The following VPS13D variants were observed in gnomAD, a reference collection of about 807,000 sequenced individuals.
VPS13D encodes the protein vacuolar protein sorting 13 homolog D.
A neutral mutation model predicts 461.9 loss-of-function variants in VPS13D; 187 were observed. The observed-to-expected ratio is 0.40, with a 90% CI of 0.36 to 0.46. The LOEUF is 0.46. Among genes scored for constraint, VPS13D ranks in the 20% least tolerant of loss-of-function variants. The pLI is 0.60. For synonymous variants in VPS13D, 1,951 were observed against 1,986.3 expected (o/e 0.98, Z 0.47); for missense variants, 4,711 against 5,364.9 (o/e 0.88, Z 3.81).
chr1:12,509,286 T>G lies in VPS13D; in HGVS notation c.*262T>G. On this transcript the variant is annotated 3_prime_UTR_variant, in exon 70 of 70. Transcript: ENST00000620676. ...GTTTAAAAACATGTACTGAGATGAA[T>G]CTAATTTTTAGATTGCCCTGTATTT... The G allele has an allele frequency of 2.4e-6, 1 of 414,406 alleles. No homozygotes were observed. Among genetic ancestry groups the G allele is most frequent in the Non-Finnish European group, 4.3e-6 (1 of 233,456 alleles). The allele number at this position is 414,406 out of a possible 1,614,324, so 25.7% of individuals were successfully genotyped here. A position where few individuals can be genotyped will look rare whatever the true frequency, so the allele number is the denominator to read the frequency against.
chr1:12,400,452 C>A, intron 61 of VPS13D, 122 bp downstream of exon 61: 2 of 1,162,482 alleles, frequency 1.7e-6, no homozygotes, highest in Non-Finnish European at 1.2e-6. Context: ...AGGGTTAAAC[C>A]ACATGTGACA....
intron 50 of VPS13D, among the ~76,000 whole-genome samples, chr1:12,362,183 T>A (rs1211642857): frequency 6.6e-6 from 1 of 152,190 alleles, no homozygotes; most frequent in African/African-American, 2.4e-5. Context: ...TCTATAGTAC[T>A]TAGCATTATG....
intron 67 of VPS13D, among the ~76,000 whole-genome samples, chr1:12,479,200 G>T (rs1049004937): frequency 2.6e-5 from 4 of 152,204 alleles, no homozygotes; most frequent in Non-Finnish European, 4.4e-5. Context: ...GACAAACAAG[G>T]ATTTAGCATA....
Position 12,439,358 on chromosome 1 carries a change from A to G in VPS13D, c.12334-16640A>G, listed in dbSNP as rs538965583. Among the ~76,000 whole-genome samples the G allele has an allele frequency of 5.2e-4, 79 of 152,096 alleles. 2 individuals carry two copies. Among genetic ancestry groups the G allele is most frequent in the African/African-American group, 1.8e-3 (75 of 41,496 alleles). ...CAGTGTTCTCTTCCTGGAATGTTCTATGGCCACATGGTTTTCATCTACATT... is the reference window on the plus strand; with the variant it reads ...CAGTGTTCTCTTCCTGGAATGTTCTGTGGCCACATGGTTTTCATCTACATT... On this transcript the variant is annotated intron_variant, in intron 65 of 69. Coordinates refer to ENST00000620676, the MANE Select transcript of VPS13D (RefSeq NM_015378.4).
chr1:12,469,562 T>C (rs1645536738), intron 67 of VPS13D, among the ~76,000 whole-genome samples: 1 of 152,208 alleles, frequency 6.6e-6, no homozygotes, highest in South Asian at 2.1e-4. Flanking sequence ...ATACAGTGAT[T>C]GATAATCCAT....
chr1:12,237,117 A>G (rs769338433), intron 2 of VPS13D, among the ~76,000 whole-genome samples: 18 of 150,958 alleles, frequency 1.2e-4, no homozygotes, highest in Admixed American at 5.3e-4. Flanking sequence ...GTATATATAT[A>G]TATCTGTGTG....
intron 24 of VPS13D, among the ~76,000 whole-genome samples, chr1:12,295,622 A>G (rs1381475883): frequency 6.6e-6 from 1 of 152,206 alleles, no homozygotes; most frequent in Non-Finnish European, 1.5e-5. Context: ...GAATTTGCTC[A>G]TGGAATATAT....
chr1:12,491,888 G>A (rs996290782), intron 67 of VPS13D, among the ~76,000 whole-genome samples: 18 of 152,330 alleles, frequency 1.2e-4, no homozygotes, highest in East Asian at 7.7e-4. Context: ...TAACATGGCC[G>A]ACAAGCTCCA....
chr1:12,341,965 C>T (rs774287499), intron 41 of VPS13D, 80 bp downstream of exon 41: 135 of 1,345,698 alleles, frequency 1.0e-4, no homozygotes, highest in Non-Finnish European at 1.4e-4. Flanking sequence ...GCAAGGTGGG[C>T]CCCCTCTTGA....
At chr1:12,366,547 G>C (rs1644037143) in intron 52 of VPS13D, among the ~76,000 whole-genome samples, 1 of 152,214 alleles carries the variant, frequency 6.6e-6, no homozygotes. Flanking sequence ...TCCCTGGGTA[G>C]AGGCAGCCCC....
intron 65 of VPS13D, among the ~76,000 whole-genome samples, chr1:12,448,317 C>T (rs2100368583): frequency 6.6e-6 from 1 of 152,242 alleles, no homozygotes; most frequent in South Asian, 2.1e-4. Flanking sequence ...TATAATCTAT[C>T]TCCTGGTTCA....
intron 60 of VPS13D, among the ~76,000 whole-genome samples, chr1:12,394,096 GAA>G (rs1463031730): frequency 1.3e-5 from 2 of 152,162 alleles, no homozygotes; most frequent in African/African-American, 4.8e-5. Context: ...AAGGATGGGA[GAA>G]AGATTCACTG....
chr1:12,249,163 T>A, intron 5 of VPS13D, 60 bp from the exon 6 acceptor site: 1 of 1,381,234 alleles, frequency 7.2e-7, no homozygotes, highest in Non-Finnish European at 1.0e-6. Context: ...TTCTTTTTTC[T>A]TTTCTTTGGA....
chr1:12,389,614 A>G (rs1644396500), intron 60 of VPS13D, among the ~76,000 whole-genome samples: 1 of 152,224 alleles, frequency 6.6e-6, no homozygotes, highest in South Asian at 2.1e-4. Flanking sequence ...AAGAGGAAAT[A>G]CTCATGACAA....
chr1:12,436,484 G>A (rs575842100), intron 65 of VPS13D, among the ~76,000 whole-genome samples: 29 of 152,264 alleles, frequency 1.9e-4, no homozygotes, highest in Middle Eastern at 3.4e-3. Context: ...GCCTAGTGGG[G>A]AAAGACTGGC....
At chr1:12,386,477 G>A in intron 60 of VPS13D, 143 bp downstream of exon 60, 1 of 982,786 alleles carries the variant, frequency 1.0e-6, no homozygotes, top group Middle Eastern at 2.7e-4. Flanking sequence ...TGAAATAGTT[G>A]TTTCTACCTA....
chr1:12,261,967 A>T lies in VPS13D; in HGVS notation c.1481A>T (p.His494Leu), dbSNP rs751663906. Reference sequence around the variant, plus strand: ...ATGAACACGTATACAAAGCGAGATCATGTCTTTGCCAAACTGAATTTGCAG... The same window carrying T: ...ATGAACACGTATACAAAGCGAGATCTTGTCTTTGCCAAACTGAATTTGCAG... ...SCMNTYTKRD[H>L]VFAKLNLQLQ... The change falls in exon 13 of 70, where the codon CAT becomes CTT. Residue 494 changes from histidine (H) to leucine (L), a missense_variant. Transcript: ENST00000620676. 2 of 1,614,078 alleles carry T rather than the reference A, an allele frequency of 1.2e-6. No individual in the cohort carries two copies. The highest frequency in any genetic ancestry group is 1.7e-6 in the Non-Finnish European group (2 of 1,180,028).
At chr1:12,296,960 T>C (rs558447907) in intron 24 of VPS13D, among the ~76,000 whole-genome samples, 206 of 152,334 alleles carry the variant, frequency 1.4e-3, no homozygotes, top group African/African-American at 4.6e-3. Flanking sequence ...TATCAAATTA[T>C]ATAAGACAAG....
intron 21 of VPS13D, among the ~76,000 whole-genome samples, chr1:12,285,192 C>G (rs940507906): frequency 1.3e-5 from 2 of 151,992 alleles, no homozygotes; most frequent in African/African-American, 4.8e-5. Context: ...ATAATGAACC[C>G]CCATTTGCCC....
Sources: allele counts gnomAD v4.1 joint callset (sites outside exome capture counted in the v4.1 genomes callset), GRCh38; gene constraint gnomAD v4.1.1; transcripts MANE v1.5; gene names NCBI Gene and HGNC (gene_info 2026-07-23, HGNC 2026-07-21).